KCNJ16: variants seen among roughly 807,000 people sequenced by gnomAD.
The protein encoded by KCNJ16 is inward rectifier potassium channel 16.
Under a neutral mutation model 18.5 loss-of-function variants are expected in KCNJ16, and 15 were observed. The ratio of observed to expected loss-of-function variants is 0.81; its 90% CI spans 0.54 to 1.25. The LOEUF (loss-of-function observed/expected upper bound fraction) is 1.25. KCNJ16 is among the 50% of genes most tolerant of loss of function. KCNJ16 has a pLI of 0.00. For missense variants in KCNJ16, 523 were observed against 525.7 expected (o/e 0.99, Z 0.05); for synonymous variants, 174 against 186.5 (o/e 0.93, Z 0.55).
At chr17:70,123,080 T>C (rs965340094) in intron 2 of KCNJ16, among the ~76,000 whole-genome samples, 4 of 152,226 alleles carry the variant, frequency 2.6e-5, no homozygotes, top group Admixed American at 6.5e-5. Context: ...GCAAAAGTTA[T>C]CATGCAATGC....
chr17:70,096,307 G>A (rs561838903), intron 1 of KCNJ16, among the ~76,000 whole-genome samples: 1 of 152,234 alleles, frequency 6.6e-6, no homozygotes, highest in African/African-American at 2.4e-5. Context: ...ACATTTGCCT[G>A]TGGATAGTTC....
chr17:70,089,403 GAAT>G (rs1315329410), intron 1 of KCNJ16, among the ~76,000 whole-genome samples: 3 of 152,174 alleles, frequency 2.0e-5, no homozygotes, highest in African/African-American at 7.2e-5. Flanking sequence ...AGAAAAGAGG[GAAT>G]AAGTATGTTT....
chr17:70,101,723 G>A (rs1567788159), intron 2 of KCNJ16: 1 of 152,066 alleles, frequency 6.6e-6, no homozygotes, highest in South Asian at 2.1e-4. Flanking sequence ...GGGATTACAG[G>A]TGCCCGCTAC....
chr17:70,079,121 C>A (rs998442358), intron 1 of KCNJ16, among the ~76,000 whole-genome samples: 2 of 152,010 alleles, frequency 1.3e-5, no homozygotes, highest in Admixed American at 6.6e-5. Flanking sequence ...TTGGCTCAAG[C>A]GATTATGGTG....
intron 2 of KCNJ16, among the ~76,000 whole-genome samples, chr17:70,113,399 G>A (rs9889479): frequency 0.086 from 13,079 of 152,236 alleles, 1,886 homozygotes; most frequent in African/African-American, 0.3. Context: ...CAAGGGCAGT[G>A]ATACTGCTCA....
intron 1 of KCNJ16, among the ~76,000 whole-genome samples, chr17:70,080,680 G>T (rs981676477): frequency 3.3e-5 from 5 of 152,036 alleles, no homozygotes; most frequent in African/African-American, 9.7e-5. Context: ...TTAGTTAGTT[G>T]GCTCTGCCCC....
Position 70,132,074 on chromosome 17 carries a change from G to T in KCNJ16, c.-14G>T. The T allele has an allele frequency of 2.5e-6, 4 of 1,613,960 alleles. No individual in the cohort carries two copies. The highest frequency in any genetic ancestry group is 3.4e-6 in the Non-Finnish European group (4 of 1,179,998). On this transcript the variant is annotated 5_prime_UTR_variant, in exon 4 of 4. It adds an upstream start codon to the 5' untranslated region. Coordinates refer to ENST00000392671, the MANE Select transcript of KCNJ16 (RefSeq NM_170741.4). ...CTACAAAACTCACCTGGATCCCTAA[G>T]GGCACAGCAAAGAATGAGCTATTAC...
chr17:70,113,877 A>T (rs1027118879), intron 2 of KCNJ16, among the ~76,000 whole-genome samples: 2 of 152,142 alleles, frequency 1.3e-5, no homozygotes, highest in Non-Finnish European at 2.9e-5. Context: ...CAAATACACT[A>T]ACTCCTGTCA....
intron 1 of KCNJ16, among the ~76,000 whole-genome samples, chr17:70,089,466 C>T (rs1192661252): frequency 6.6e-6 from 1 of 152,114 alleles, no homozygotes; most frequent in Non-Finnish European, 1.5e-5. Context: ...TGAAAAACAT[C>T]ACCCAAAACC....
chr17:70,086,322 C>T (rs1348249021), intron 1 of KCNJ16, among the ~76,000 whole-genome samples: 2 of 152,098 alleles, frequency 1.3e-5, no homozygotes, highest in Non-Finnish European at 2.9e-5. Flanking sequence ...ATAGTAAATT[C>T]TGTATTTCCT....
intron 1 of KCNJ16, among the ~76,000 whole-genome samples, chr17:70,090,195 G>A (rs1598099197): frequency 6.6e-6 from 1 of 152,216 alleles, no homozygotes; most frequent in South Asian, 2.1e-4. Flanking sequence ...GCTGATGGTG[G>A]TGATTTTGTG....
At chr17:70,087,910 A>C (rs2071890051) in intron 1 of KCNJ16, among the ~76,000 whole-genome samples, 1 of 150,634 alleles carries the variant, frequency 6.6e-6, no homozygotes, top group African/African-American at 2.4e-5. Context: ...AGGAAATGTC[A>C]AACGCTAGAA....
At chr17:70,129,221 C>T (rs1028113125) in intron 2 of KCNJ16, among the ~76,000 whole-genome samples, 3 of 152,016 alleles carry the variant, frequency 2.0e-5, no homozygotes, top group African/African-American at 7.2e-5. Flanking sequence ...TTTCTCATGG[C>T]GGAATTAATG....
chr17:70,103,286 A>ATGTGTGATATG (rs367701950), intron 2 of KCNJ16, among the ~76,000 whole-genome samples: 1,073 of 103,672 alleles, frequency 0.01, 11 homozygotes, highest in East Asian at 0.034. Context: ...ATATGCATAT[A>ATGTGTGATATG]TGTGTGTGTG....
intron 1 of KCNJ16, among the ~76,000 whole-genome samples, chr17:70,091,809 C>G (rs1027905807): frequency 6.6e-6 from 1 of 152,132 alleles, no homozygotes; most frequent in African/African-American, 2.4e-5. Flanking sequence ...TCAAGAGTCA[C>G]CTCTCCCTTA....
intron 1 of KCNJ16, among the ~76,000 whole-genome samples, chr17:70,092,488 CAATAGATAGATA>C (rs1224470139): frequency 3.1e-5 from 3 of 96,572 alleles, no homozygotes; most frequent in Admixed American, 1.3e-4. Flanking sequence ...GAAACAGAAC[CAATAGATAGATA>C]GATAGATAGA....
chr17:70,089,680 G>A (rs2071997309), intron 1 of KCNJ16, among the ~76,000 whole-genome samples: 1 of 152,164 alleles, frequency 6.6e-6, no homozygotes, highest in South Asian at 2.1e-4. Context: ...AAAACATTTA[G>A]CTATAAACTA....
chr17:70,114,058 T>C (rs1177280888), intron 2 of KCNJ16, among the ~76,000 whole-genome samples: 1 of 152,096 alleles, frequency 6.6e-6, no homozygotes, highest in African/African-American at 2.4e-5. Flanking sequence ...TCTTTTGTCT[T>C]ATATTTTAAG....
intron 1 of KCNJ16, chr17:70,096,741 G>A (rs2072391835): frequency 5.3e-6 from 2 of 380,432 alleles, no homozygotes; most frequent in Non-Finnish European, 9.3e-6. Flanking sequence ...CTCCTTTATT[G>A]AGAATCAAGC....
Sources: gnomAD v4.1 joint callset for allele counts (sites outside exome capture counted in the v4.1 genomes callset) on GRCh38, gnomAD v4.1.1 for gene constraint, MANE v1.5 for transcripts, NCBI Gene and HGNC (gene_info 2026-07-23, HGNC 2026-07-21) for gene names.